TKFC: variants seen among roughly 807,000 people sequenced by gnomAD.
TKFC encodes the protein triokinase and FMN cyclase, also known as triokinase/FMN cyclase.
TKFC carries 46 observed loss-of-function variants against 61.0 expected under a neutral mutation model. That is an observed-to-expected ratio of 0.75 (90% CI 0.60 to 0.96). The LOEUF is 0.96. TKFC is among the 50% of genes least tolerant of loss of function. The pLI, the probability that TKFC is intolerant of heterozygous loss-of-function variation, is 0.00. For synonymous variants in TKFC, 314 were observed against 330.1 expected (o/e 0.95, Z 0.53); for missense variants, 715 against 777.5 (o/e 0.92, Z 0.96).
At position 61,339,060 on chromosome 11, in the gene TKFC, C is replaced by A; in HGVS notation, c.194-6C>A. Reference sequence around the variant, plus strand: ...AGCATGCTCACTCCACTCCTTCCACCTCCAGGTTTCATAGGGAAGGGGATG... The same window carrying A: ...AGCATGCTCACTCCACTCCTTCCACATCCAGGTTTCATAGGGAAGGGGATG... On this transcript the variant is annotated splice_polypyrimidine_tract_variant and splice_region_variant and intron_variant, in intron 3 of 17. Coordinates refer to ENST00000394900, the MANE Select transcript of TKFC (RefSeq NM_015533.4). 6.2e-7 allele frequency: 1 copy of A among 1,611,440 alleles called. No homozygotes were observed. The highest frequency in any genetic ancestry group is 8.5e-7 in the Non-Finnish European group (1 of 1,178,724).
At chr11:61,345,990 G>C in intron 17 of TKFC, 44 bp downstream of exon 17, 1 of 1,585,810 alleles carries the variant, frequency 6.3e-7, no homozygotes, top group Non-Finnish European at 8.6e-7. Context: ...CAGGCTTCTA[G>C]CCAGCAGACT....
chr11:61,351,016 T>C (rs1857379103), downstream of TKFC: 3 of 1,613,770 alleles, frequency 1.9e-6, no homozygotes, highest in Admixed American at 1.7e-5. Context: ...GATCCCCGGC[T>C]CTGGGCGCTT....
At chr11:61,343,116 C>T (rs986533203) in intron 10 of TKFC, 27 of 610,082 alleles carry the variant, frequency 4.4e-5, no homozygotes, top group East Asian at 2.2e-4. Flanking sequence ...GCACCTGGCA[C>T]GAACTGAGTA....
Position 61,347,424 on chromosome 11 carries a change from C to T in TKFC, c.*921C>T, listed in dbSNP as rs958218032. On this transcript the variant is annotated 3_prime_UTR_variant, in exon 18 of 18. Transcript: ENST00000394900. ...AGGCATAGTAGTGTGTGCCTATAGT[C>T]CTAACTTGGGAGGCTGAGTTGGGAG... 79 of 903,414 alleles carry T rather than the reference C, an allele frequency of 8.7e-5. No individual in the cohort carries two copies. Among genetic ancestry groups the T allele is most frequent in the Non-Finnish European group, 1.0e-4 (76 of 755,648 alleles). 56.0% of individuals were successfully genotyped at this position (903,414 alleles called of 1,614,324 possible). A position where few individuals can be genotyped will look rare whatever the true frequency, so the allele number is the denominator to read the frequency against.
chr11:61,336,173 C>A (rs1354439832), intron 2 of TKFC: 1 of 154,446 alleles, frequency 6.5e-6, no homozygotes, highest in African/African-American at 2.4e-5. Flanking sequence ...GCAAATGGAA[C>A]CAATCTTATT....
downstream of TKFC, chr11:61,353,134 G>C (rs1250213329): frequency 6.2e-7 from 1 of 1,605,260 alleles, no homozygotes; most frequent in Non-Finnish European, 8.5e-7. Context: ...CAAAGCCCAG[G>C]AACCACTGTG....
chr11:61,346,677 A>G lies in TKFC; in HGVS notation c.*174A>G, dbSNP rs554681585. Reference sequence around the variant, plus strand: ...GCTTCCAGAACTACAGACAGCACCCAGAGTGAGCTGGAGTGGGTCCCCATG... The same window carrying G: ...GCTTCCAGAACTACAGACAGCACCCGGAGTGAGCTGGAGTGGGTCCCCATG... On this transcript the variant is annotated 3_prime_UTR_variant, in exon 18 of 18. Coordinates refer to ENST00000394900, the MANE Select transcript of TKFC (RefSeq NM_015533.4). The surrounding 1 kb of genome is among the most constrained non-coding windows in gnomAD (Gnocchi z 4.1). 1.1e-4 allele frequency: 161 copies of G among 1,421,950 alleles called. No homozygotes were observed. In the African/African-American group the frequency reaches 2.0e-3, roughly 18 times the overall value. 88.1% of individuals were successfully genotyped at this position (1,421,950 alleles called of 1,614,324 possible). A position where few individuals can be genotyped will look rare whatever the true frequency, so the allele number is the denominator to read the frequency against.
Position 61,348,424 on chromosome 11 carries a change from G to A in TKFC, c.*1921G>A, listed in dbSNP as rs924427251. Reference sequence around the variant, plus strand: ...CTGTGAGGGTCAGACCTGTCCTGAGGCTTTTACAAATTGGCCCAGAACTCA... The same window carrying A: ...CTGTGAGGGTCAGACCTGTCCTGAGACTTTTACAAATTGGCCCAGAACTCA... On this transcript the variant is annotated 3_prime_UTR_variant, in exon 18 of 18. Coordinates refer to ENST00000394900, the MANE Select transcript of TKFC (RefSeq NM_015533.4). The A allele has an allele frequency of 1.0e-6, 1 of 985,380 alleles. No individual in the cohort carries two copies. Among genetic ancestry groups the A allele is most frequent in the Non-Finnish European group, 1.2e-6 (1 of 829,938 alleles). The allele number at this position is 985,380 out of a possible 1,614,324, so 61.0% of individuals were successfully genotyped here.
chr11:61,350,916 C>T, downstream of TKFC: 1 of 1,523,712 alleles, frequency 6.6e-7, no homozygotes, highest in Non-Finnish European at 8.8e-7. Flanking sequence ...CTTGTCAAGG[C>T]CCCAGCCTTT....
chr11:61,344,334 T>C, intron 13 of TKFC, 61 bp downstream of exon 13: 1 of 1,549,440 alleles, frequency 6.5e-7, no homozygotes, highest in Non-Finnish European at 8.7e-7. Flanking sequence ...CCCTTCCACT[T>C]GTTTCCCTGA....
At chr11:61,339,463 T>C in intron 5 of TKFC, 28 bp downstream of exon 5, 15 of 1,576,544 alleles carry the variant, frequency 9.5e-6, no homozygotes, top group Non-Finnish European at 1.3e-5. Context: ...ACGTGGAGAC[T>C]GGCCAGCCCT....
In TKFC at chr11:61,342,861, G is replaced by T; in HGVS notation, c.865+17G>T. 6.2e-7 allele frequency: 1 copy of T among 1,613,306 alleles called. No homozygotes were observed. The highest frequency in any genetic ancestry group is 8.5e-7 in the Non-Finnish European group (1 of 1,179,566). ...GCTCCCTGGGTGAGCCATGCACTGG[G>T]AAGGGGATCCTACAGCCCTTTGGAA... On this transcript the variant is annotated intron_variant, in intron 10 of 17. Transcript: ENST00000394900.
chr11:61,343,504 C>G (rs1478906722), intron 11 of TKFC, 46 bp downstream of exon 11: 2 of 1,544,892 alleles, frequency 1.3e-6, no homozygotes, highest in South Asian at 2.2e-5. Flanking sequence ...CTCCTTGTAA[C>G]TGGAAGGAGC....
chr11:61,342,425 C>T, intron 7 of TKFC, 36 bp from the exon 8 acceptor site: 1 of 1,613,790 alleles, frequency 6.2e-7, no homozygotes, highest in East Asian at 2.2e-5. Context: ...ATCCCCAGGC[C>T]TTGAGTGGGT....
chr11:61,339,163 C>T lies in TKFC; in HGVS notation c.291C>T (p.Ala97=). 1 of 1,613,690 alleles carries T rather than the reference C, an allele frequency of 6.2e-7. No homozygotes were observed. The highest frequency in any genetic ancestry group is 8.5e-7 in the Non-Finnish European group (1 of 1,179,956). The change falls in exon 4 of 18, where the codon GCC becomes GCT. Residue 97 remains alanine, a synonymous_variant. Transcript: ENST00000394900. The stretch of plus-strand genomic sequence containing the variant: ...TCCTGGCAGCCATCAGGGCCGTGGC[C>T]CAGGCCGGCACAGGTAAGCCTGGCA... ...GSILAAIRAV[A]QAGTVGTLLI...
At chr11:61,345,143 G>T in intron 13 of TKFC, 117 bp from the exon 14 acceptor site, 1 of 831,088 alleles carries the variant, frequency 1.2e-6, no homozygotes, top group Admixed American at 2.9e-5. Context: ...AAGGGATCTT[G>T]GGAAGCCTTC....
chr11:61,334,531 G>A (rs1194919655), intron 1 of TKFC, 89 bp from the exon 2 acceptor site: 6 of 624,632 alleles, frequency 9.6e-6, no homozygotes, highest in African/African-American at 1.8e-5. Flanking sequence ...GTCTGGGGCA[G>A]CTCCCTAATT....
rs374906526 is a variant in TKFC at position 61,342,835 on chromosome 11, C to T, written c.856C>T (p.Arg286Cys). 5.3e-5 allele frequency: 85 copies of T among 1,613,860 alleles called. No individual in the cohort carries two copies. The highest frequency in any genetic ancestry group is 3.3e-4 in the Middle Eastern group (2 of 6,084). The part of the protein sequence containing the change: ...ELGIIADATV[R>C]SLEGRGVKIA... Reference sequence around the variant, plus strand: ...GGGCATCATAGCCGACGCTACCGTCCGCTCCCTGGGTGAGCCATGCACTGG... The same window carrying T: ...GGGCATCATAGCCGACGCTACCGTCTGCTCCCTGGGTGAGCCATGCACTGG... The change falls in exon 10 of 18, where the codon CGC (arginine) becomes TGC (cysteine). Residue 286 changes from arginine (R) to cysteine (C), a missense_variant. Transcript: ENST00000394900.
rs1565063500 is a variant in TKFC, at chr11:61,349,162, G to T, written c.*2659G>T. 2 of 219,508 alleles carry T rather than the reference G, an allele frequency of 9.1e-6. No homozygotes were observed. Among genetic ancestry groups the T allele is most frequent in the Non-Finnish European group, 9.5e-6 (1 of 104,760 alleles). 13.6% of individuals were successfully genotyped at this position (219,508 alleles called of 1,614,324 possible). A position where few individuals can be genotyped will look rare whatever the true frequency, so the allele number is the denominator to read the frequency against. ...AAAGCCACAGCAGCAACACTTAGGA[G>T]CAAGACCCTTCCCGCTCTCCACCCT... On this transcript the variant is annotated 3_prime_UTR_variant, in exon 18 of 18. Transcript: ENST00000394900.
Sources: gnomAD v4.1 joint callset for allele counts on GRCh38, gnomAD v4.1.1 for gene constraint, Gnocchi (gnomAD v3.1) non-coding constraint, MANE v1.5 for transcripts, NCBI Gene and HGNC (gene_info 2026-07-23, HGNC 2026-07-21) for gene names.